GRM5: variants seen among roughly 807,000 people sequenced by gnomAD.
The protein encoded by GRM5 is metabotropic glutamate receptor 5.
A neutral mutation model predicts 83.1 loss-of-function variants in GRM5; 19 were observed. That is an observed-to-expected ratio of 0.23 (90% confidence interval 0.16 to 0.34). The LOEUF is 0.34. Among genes scored for constraint, GRM5 ranks in the 10% least tolerant of loss-of-function variants. The probability of loss-of-function intolerance (pLI) is 1.00; values close to 1 mark genes in which losing one functional copy is unlikely to be tolerated. For missense variants in GRM5, 1,160 were observed against 1,588.3 expected (o/e 0.73, Z 4.58); for synonymous variants, 675 against 633.6 (o/e 1.07, Z -0.98).
chr11:88,870,853 G>T (rs1218530304), intron 2 of GRM5, among the ~76,000 whole-genome samples: 1 of 151,498 alleles, frequency 6.6e-6, no homozygotes, highest in African/African-American at 2.4e-5. Flanking sequence ...GCTTACGCCA[G>T]AGCTTTTGCT....
chr11:88,775,819 T>C (rs1565225157), intron 3 of GRM5, among the ~76,000 whole-genome samples: 1 of 152,214 alleles, frequency 6.6e-6, no homozygotes, highest in Non-Finnish European at 1.5e-5. Flanking sequence ...TTGTTGTGAT[T>C]TCTGCTTTTT....
In GRM5 at chr11:88,567,296, T is replaced by C; in HGVS notation, c.2387A>G (p.Asn796Ser). 6.2e-7 allele frequency: 1 copy of C among 1,613,922 alleles called. No individual in the cohort carries two copies. The highest frequency in any genetic ancestry group is 8.5e-7 in the Non-Finnish European group (1 of 1,179,866). Residue 796 changes from asparagine (N) to serine (S), a missense_variant, in exon 8 of 10, where the codon AAC becomes AGC. By Grantham distance (46) the Asn-to-Ser change is conservative. Transcript: ENST00000305447. The surrounding 1 kb of genome is among the most constrained non-coding windows in gnomAD (Gnocchi z 7.3). ...LAFVPIYFGS[N>S]YKIITMCFSV... ...GAAACACATGGTGATGATTTTGTAG[T>C]TGCTGCCAAAGTAGATTGGCACAAA...
intron 4 of GRM5, among the ~76,000 whole-genome samples, chr11:88,645,684 G>C (rs189765573): frequency 6.6e-6 from 1 of 152,042 alleles, no homozygotes; most frequent in African/African-American, 2.4e-5. Flanking sequence ...CTAATTTTTA[G>C]TATCAAATGG....
At chr11:88,616,076 A>C (rs982683114) in intron 4 of GRM5, among the ~76,000 whole-genome samples, 5 of 152,178 alleles carry the variant, frequency 3.3e-5, no homozygotes, top group African/African-American at 1.2e-4. Context: ...GTGCCTGAAA[A>C]AAAATGGTTT....
chr11:88,835,610 A>G (rs544231135), intron 3 of GRM5, among the ~76,000 whole-genome samples: 1 of 152,330 alleles, frequency 6.6e-6, no homozygotes, highest in African/African-American at 2.4e-5. Context: ...AGGATGACAC[A>G]ATTACACTTG....
chr11:88,730,068 G>A (rs2135405389), intron 3 of GRM5, among the ~76,000 whole-genome samples: 1 of 152,238 alleles, frequency 6.6e-6, no homozygotes, highest in Non-Finnish European at 1.5e-5. Flanking sequence ...CACAGCAAAA[G>A]GAACTATCAT....
chr11:88,832,751 T>A (rs536335335), intron 3 of GRM5, among the ~76,000 whole-genome samples: 1 of 152,162 alleles, frequency 6.6e-6, no homozygotes, highest in African/African-American at 2.4e-5. Flanking sequence ...CAATATGGTA[T>A]GATAGGAAAA....
intron 2 of GRM5, among the ~76,000 whole-genome samples, chr11:88,937,493 G>A (rs529429391): frequency 1.6e-4 from 25 of 151,706 alleles, no homozygotes; most frequent in African/African-American, 5.5e-4. Context: ...TTTATCAGTA[G>A]TATTATAACA....
chr11:88,686,497 G>A (rs1206334495), intron 3 of GRM5, among the ~76,000 whole-genome samples: 1 of 152,246 alleles, frequency 6.6e-6, no homozygotes, highest in Non-Finnish European at 1.5e-5. Context: ...GACACGCTTG[G>A]TTTTGAAATG....
At chr11:88,539,358 T>C (rs948137013) in intron 8 of GRM5, among the ~76,000 whole-genome samples, 25 of 152,224 alleles carry the variant, frequency 1.6e-4, no homozygotes, top group African/African-American at 5.5e-4. Flanking sequence ...CTTTGACCCA[T>C]AAGGGAATCA....
At chr11:88,628,148 C>T (rs1193203803) in intron 4 of GRM5, among the ~76,000 whole-genome samples, 1 of 152,188 alleles carries the variant, frequency 6.6e-6, no homozygotes, top group Admixed American at 6.5e-5. Context: ...TGTCATTAAT[C>T]CCTAATTTCC....
At chr11:88,586,458 G>C (rs1476502819) in intron 7 of GRM5, among the ~76,000 whole-genome samples, 1 of 152,134 alleles carries the variant, frequency 6.6e-6, no homozygotes, top group African/African-American at 2.4e-5. Flanking sequence ...TGTACTGGTT[G>C]TTATTATCAC....
At chr11:88,997,382 A>G (rs1186355711) in intron 2 of GRM5, among the ~76,000 whole-genome samples, 4 of 151,516 alleles carry the variant, frequency 2.6e-5, no homozygotes, top group Non-Finnish European at 5.9e-5. Flanking sequence ...TTAAATCAGT[A>G]GCATGACTTT....
At chr11:88,862,605 C>A (rs1458361248) in intron 2 of GRM5, among the ~76,000 whole-genome samples, 3 of 152,110 alleles carry the variant, frequency 2.0e-5, no homozygotes, top group African/African-American at 4.8e-5. Flanking sequence ...ACTAGTGTGA[C>A]AAGGACTGTG....
intron 3 of GRM5, among the ~76,000 whole-genome samples, chr11:88,741,956 G>T (rs546251788): frequency 6.6e-6 from 1 of 152,006 alleles, no homozygotes; most frequent in Non-Finnish European, 1.5e-5. Flanking sequence ...TATGGAAGTG[G>T]CCCAGCAAGA....
intron 2 of GRM5, among the ~76,000 whole-genome samples, chr11:88,983,061 C>T (rs903274114): frequency 1.4e-5 from 2 of 141,982 alleles, no homozygotes; most frequent in African/African-American, 6.2e-5. Context: ...AGCGAAACTC[C>T]GTCACACACA....
chr11:88,749,456 C>T (rs1057064381), intron 3 of GRM5, among the ~76,000 whole-genome samples: 2 of 152,080 alleles, frequency 1.3e-5, no homozygotes, highest in Non-Finnish European at 2.9e-5. Flanking sequence ...AAAGACTAAA[C>T]TTATGACAGA....
At chr11:88,685,872 C>A (rs900101425) in intron 3 of GRM5, among the ~76,000 whole-genome samples, 2 of 152,130 alleles carry the variant, frequency 1.3e-5, no homozygotes, top group African/African-American at 2.4e-5. Context: ...GCCTGGATGC[C>A]CAGGCAGAAG....
intron 8 of GRM5, among the ~76,000 whole-genome samples, chr11:88,560,689 C>CT (rs1450583775): frequency 6.6e-6 from 1 of 152,154 alleles, no homozygotes; most frequent in Non-Finnish European, 1.5e-5. Flanking sequence ...TCCACCTGTC[C>CT]TTCTGTGTGC....
Sources: gnomAD v4.1 joint callset for allele counts (sites outside exome capture counted in the v4.1 genomes callset) on GRCh38, gnomAD v4.1.1 for gene constraint, Gnocchi (gnomAD v3.1) non-coding constraint, MANE v1.5 for transcripts, NCBI Gene and HGNC (gene_info 2026-07-23, HGNC 2026-07-21) for gene names.